The following PBX1 variants were observed in gnomAD, a reference collection of about 807,000 sequenced individuals.
PBX1 encodes the protein pre-B-cell leukemia transcription factor 1.
PBX1 carries 6 observed loss-of-function variants against 53.4 expected under a neutral mutation model. That is an observed-to-expected ratio of 0.11 (90% CI 0.06 to 0.22). The LOEUF (loss-of-function observed/expected upper bound fraction) is 0.22. Among genes scored for constraint, PBX1 ranks in the 10% least tolerant of loss-of-function variants. PBX1 has a pLI of 1.00. For synonymous variants in PBX1, 204 were observed against 212.3 expected (o/e 0.96, Z 0.34); for missense variants, 251 against 551.4 (o/e 0.46, Z 5.46).
At position 164,851,240 on chromosome 1, in the gene PBX1, A is replaced by G. The variant is rs996481212; in HGVS notation, c.*4564A>G. 1.9e-5 allele frequency: 4 copies of G among 209,832 alleles called. No homozygotes were observed. Among genetic ancestry groups the G allele is most frequent in the African/African-American group, 9.1e-5 (4 of 44,094 alleles). 13.0% of individuals were successfully genotyped at this position (209,832 alleles called of 1,614,324 possible). On this transcript the variant is annotated 3_prime_UTR_variant, in exon 9 of 9. Transcript: ENST00000420696. ...AGAAAGCCATATTATCTGGAAAAAA[A>G]TTCATTTTAAATACCATCATTCAAC...
chr1:164,772,001 C>G (rs1165234556), intron 2 of PBX1, among the ~76,000 whole-genome samples: 2 of 152,118 alleles, frequency 1.3e-5, no homozygotes, highest in Non-Finnish European at 2.9e-5. Flanking sequence ...TGGGCCCTAC[C>G]CCAAGAATAG....
At chr1:164,710,637 C>T (rs528289083) in intron 2 of PBX1, among the ~76,000 whole-genome samples, 31 of 152,150 alleles carry the variant, frequency 2.0e-4, no homozygotes, top group Admixed American at 1.0e-3. Flanking sequence ...TCTCAAACTC[C>T]CGAACTCAGG....
chr1:164,797,764 C>T (rs541888134), intron 3 of PBX1, among the ~76,000 whole-genome samples: 12 of 152,290 alleles, frequency 7.9e-5, no homozygotes, highest in Admixed American at 2.0e-4. Flanking sequence ...CTTGTAGGGC[C>T]AGGCACACAT....
At chr1:164,721,085 G>C (rs989220338) in intron 2 of PBX1, among the ~76,000 whole-genome samples, 2 of 152,192 alleles carry the variant, frequency 1.3e-5, no homozygotes, top group African/African-American at 4.8e-5. Context: ...ATAAGTGTAC[G>C]TGTCTATAAA....
At chr1:164,600,730 T>G (rs1365561924) in intron 2 of PBX1, among the ~76,000 whole-genome samples, 1 of 152,300 alleles carries the variant, frequency 6.6e-6, no homozygotes, top group East Asian at 1.9e-4. Flanking sequence ...TGTGGGCCTG[T>G]TAGTTTATTT....
rs922732686 is a variant in PBX1 at position 164,663,204 on chromosome 1, TCCTTCCTG to T, written c.265+99917_265+99924del. ...TTCCTTCCTGTCTTCCTTCCTGCCT[TCCTTCCTG>T]CCTTCCTGCCTTCCTGCCTTCCTTC... On this transcript the variant is annotated intron_variant, in intron 2 of 8. Coordinates refer to ENST00000420696, the MANE Select transcript of PBX1 (RefSeq NM_002585.4). Among the ~76,000 whole-genome samples, 1,054 of 149,016 alleles carry T rather than the reference TCCTTCCTG, an allele frequency of 7.1e-3. 19 individuals are homozygous for T. The highest frequency in any genetic ancestry group is 0.011 in the Middle Eastern group (3 of 284).
intron 2 of PBX1, among the ~76,000 whole-genome samples, chr1:164,612,089 C>T (rs893691917): frequency 2.0e-5 from 3 of 152,108 alleles, no homozygotes; most frequent in African/African-American, 7.2e-5. Context: ...CTGAAATGAA[C>T]CATGGCACAG....
At chr1:164,613,686 C>A (rs1041847457) in intron 2 of PBX1, among the ~76,000 whole-genome samples, 2 of 152,142 alleles carry the variant, frequency 1.3e-5, no homozygotes, top group Non-Finnish European at 2.9e-5. Context: ...ATGTTTTTAA[C>A]AAATAAACAA....
At chr1:164,716,826 C>G (rs1044064225) in intron 2 of PBX1, among the ~76,000 whole-genome samples, 1 of 151,996 alleles carries the variant, frequency 6.6e-6, no homozygotes, top group Non-Finnish European at 1.5e-5. Context: ...TAAAAATCAT[C>G]CTTTCAATTT....
At position 164,784,398 on chromosome 1, in the gene PBX1, G is replaced by A. The variant is rs142627303; in HGVS notation, c.266-8096G>A. ...TCTCCCTGCCAGCTGGCCCAGGGAG[G>A]CGCAGCGTGCCAAGTGGGGAACGTG... On this transcript the variant is annotated intron_variant, in intron 2 of 8. Coordinates refer to ENST00000420696, the MANE Select transcript of PBX1 (RefSeq NM_002585.4). Among the ~76,000 whole-genome samples the A allele has an allele frequency of 7.1e-3, 1,087 of 152,324 alleles. 8 individuals carry two copies. Among genetic ancestry groups the A allele is most frequent in the Non-Finnish European group, 9.5e-3 (645 of 68,032 alleles).
chr1:164,613,284 G>T (rs767263187), intron 2 of PBX1, among the ~76,000 whole-genome samples: 3 of 152,142 alleles, frequency 2.0e-5, no homozygotes, highest in Non-Finnish European at 4.4e-5. Context: ...ACCTAGGTAT[G>T]CATACGGAAA....
At chr1:164,604,949 C>T (rs1162797833) in intron 2 of PBX1, among the ~76,000 whole-genome samples, 4 of 152,094 alleles carry the variant, frequency 2.6e-5, no homozygotes, top group African/African-American at 4.8e-5. Flanking sequence ...TTCCTTTATT[C>T]CATAGAGGTG....
chr1:164,623,481 C>CA (rs1333936871), intron 2 of PBX1, among the ~76,000 whole-genome samples: 2 of 152,184 alleles, frequency 1.3e-5, no homozygotes, highest in Admixed American at 1.3e-4. Flanking sequence ...AGAGCCTTGC[C>CA]AGGGTCTAAT....
At chr1:164,792,031 G>A (rs1668538687) in intron 2 of PBX1, among the ~76,000 whole-genome samples, 1 of 152,056 alleles carries the variant, frequency 6.6e-6, no homozygotes, top group African/African-American at 2.4e-5. Context: ...CACCATGTTT[G>A]CCAGGATGGT....
At chr1:164,713,105 G>T (rs1306707326) in intron 2 of PBX1, among the ~76,000 whole-genome samples, 1 of 152,158 alleles carries the variant, frequency 6.6e-6, no homozygotes, top group Non-Finnish European at 1.5e-5. Context: ...GTCAGCAGAG[G>T]TCCCACCAAG....
At chr1:164,834,029 A>ATGTGTGTGTGTGTGTGTGTGTGTG (rs35739146) in intron 8 of PBX1, among the ~76,000 whole-genome samples, 89 of 128,280 alleles carry the variant, frequency 6.9e-4, no homozygotes, top group African/African-American at 9.7e-4. Flanking sequence ...ATATATGTAT[A>ATGTGTGTGTGTGTGTGTGTGTGTG]TGTGTGTGTG....
At chr1:164,749,011 A>G (rs1666049637) in intron 2 of PBX1, among the ~76,000 whole-genome samples, 1 of 152,150 alleles carries the variant, frequency 6.6e-6, no homozygotes, top group South Asian at 2.1e-4. Flanking sequence ...CCTGGTTGGG[A>G]AATTTTCTAA....
chr1:164,800,652 G>T (rs1188995521), intron 4 of PBX1, among the ~76,000 whole-genome samples: 1 of 152,194 alleles, frequency 6.6e-6, no homozygotes, highest in Non-Finnish European at 1.5e-5. Flanking sequence ...TATCCAGCCT[G>T]TAAGATAGTA....
intron 2 of PBX1, among the ~76,000 whole-genome samples, chr1:164,875,208 G>A (rs1571551663): frequency 6.6e-6 from 1 of 152,128 alleles, no homozygotes; most frequent in African/African-American, 2.4e-5. Context: ...ATCTGTGAAG[G>A]AAAAAAGCAA....
Sources: allele counts gnomAD v4.1 joint callset (sites outside exome capture counted in the v4.1 genomes callset), GRCh38; gene constraint gnomAD v4.1.1; transcripts MANE v1.5; gene names NCBI Gene and HGNC (gene_info 2026-07-23, HGNC 2026-07-21).